The following CTNND2 variants were observed in gnomAD, a reference collection of about 807,000 sequenced individuals.
CTNND2 encodes catenin delta 2.
A neutral mutation model predicts 144.4 loss-of-function variants in CTNND2; 22 were observed. That is an observed-to-expected ratio of 0.15 (90% CI 0.11 to 0.22). The LOEUF is 0.22. Among genes scored for constraint, CTNND2 ranks in the 10% least tolerant of loss-of-function variants. The pLI is 1.00. For synonymous variants in CTNND2, 751 were observed against 695.6 expected (o/e 1.08, Z -1.25); for missense variants, 1,353 against 1,618.8 (o/e 0.84, Z 2.82).
intron 9 of CTNND2, among the ~76,000 whole-genome samples, chr5:11,289,434 T>G (rs1748086145): frequency 6.6e-6 from 1 of 152,180 alleles, no homozygotes; most frequent in African/African-American, 2.4e-5. Context: ...CAAATTGGAT[T>G]TGGCCAAAAG....
chr5:11,855,248 G>A (rs1169453377), intron 1 of CTNND2, among the ~76,000 whole-genome samples: 1 of 152,182 alleles, frequency 6.6e-6, no homozygotes, highest in African/African-American at 2.4e-5. Flanking sequence ...CCAAAGGTCG[G>A]TGGTGAGGTG....
intron 1 of CTNND2, among the ~76,000 whole-genome samples, chr5:11,870,005 A>G (rs1012547358): frequency 6.6e-6 from 1 of 152,212 alleles, no homozygotes; most frequent in East Asian, 1.9e-4. Context: ...AAGAAGCATG[A>G]AACCACCCGG....
intron 9 of CTNND2, among the ~76,000 whole-genome samples, chr5:11,296,093 TAC>T (rs1748954671): frequency 1.5e-5 from 1 of 65,418 alleles, no homozygotes; most frequent in African/African-American, 6.2e-5. Flanking sequence ...ATCTGACAAG[TAC>T]TAATATCCAG....
At chr5:11,576,651 TCA>T (rs1393190256) in intron 2 of CTNND2, among the ~76,000 whole-genome samples, 1 of 152,112 alleles carries the variant, frequency 6.6e-6, no homozygotes, top group African/African-American at 2.4e-5. Context: ...AAAAATAAAC[TCA>T]GTCATAAAAT....
In CTNND2 at chr5:11,786,216, G is replaced by T. The variant is rs531305149; in HGVS notation, c.38-53944C>A. Among the ~76,000 whole-genome samples the T allele has an allele frequency of 3.1e-4, 47 of 152,338 alleles. 1 individual carries two copies. In the South Asian group the frequency reaches 9.5e-3, roughly 31 times the overall value. On this transcript the variant is annotated intron_variant, in intron 1 of 21. Coordinates refer to ENST00000304623, the MANE Select transcript of CTNND2 (RefSeq NM_001332.4). Reference sequence around the variant, plus strand: ...GACAGGGGCTGCTTTTTCTTTCTCAGTAATCACAATTCACTTCTACAACTG... The same window carrying T: ...GACAGGGGCTGCTTTTTCTTTCTCATTAATCACAATTCACTTCTACAACTG...
At chr5:11,682,673 T>C (rs1387209950) in intron 2 of CTNND2, among the ~76,000 whole-genome samples, 1 of 152,208 alleles carries the variant, frequency 6.6e-6, no homozygotes, top group African/African-American at 2.4e-5. Flanking sequence ...GACACAGTTA[T>C]TATTCTTAAT....
chr5:11,678,732 T>G (rs1784292243), intron 2 of CTNND2, among the ~76,000 whole-genome samples: 1 of 152,108 alleles, frequency 6.6e-6, no homozygotes, highest in Non-Finnish European at 1.5e-5. Flanking sequence ...GTAACAAACC[T>G]TATTTTAAAG....
chr5:11,420,863 C>T (rs1457379490), intron 3 of CTNND2, among the ~76,000 whole-genome samples: 2 of 152,144 alleles, frequency 1.3e-5, no homozygotes, highest in Non-Finnish European at 2.9e-5. Flanking sequence ...TTTTTACAGG[C>T]TACAATGGAT....
intron 2 of CTNND2, among the ~76,000 whole-genome samples, chr5:11,598,267 C>A (rs1779617501): frequency 6.6e-6 from 1 of 152,096 alleles, no homozygotes; most frequent in Admixed American, 6.6e-5. Context: ...ACATCATGTT[C>A]TTATTGGGTT....
intron 3 of CTNND2, among the ~76,000 whole-genome samples, chr5:11,424,460 TAC>T (rs1272486299): frequency 3.5e-5 from 5 of 144,504 alleles, no homozygotes; most frequent in Admixed American, 2.0e-4. Flanking sequence ...TAAACACGCA[TAC>T]ACACACACAT....
chr5:11,199,272 G>A (rs1389435294), intron 11 of CTNND2, among the ~76,000 whole-genome samples, 176 bp downstream of exon 11: 1 of 152,112 alleles, frequency 6.6e-6, no homozygotes, highest in African/African-American at 2.4e-5. Flanking sequence ...ATGAATCCAT[G>A]CATGTCACAT....
At chr5:11,653,677 T>C (rs566873667) in intron 2 of CTNND2, among the ~76,000 whole-genome samples, 2 of 152,160 alleles carry the variant, frequency 1.3e-5, no homozygotes, top group East Asian at 3.9e-4. Context: ...TTATTTTCTC[T>C]CATTCCATAG....
intron 9 of CTNND2, among the ~76,000 whole-genome samples, chr5:11,321,106 C>T (rs565991847): frequency 1.3e-4 from 20 of 152,012 alleles, no homozygotes; most frequent in Admixed American, 2.6e-4. Flanking sequence ...TTCTACTGTT[C>T]GTAACATAAA....
rs1757679825 is a variant in CTNND2, at chr5:11,150,650, G to T, written c.2159+8926C>A. Among the ~76,000 whole-genome samples the T allele has an allele frequency of 1.4e-5, 2 of 139,736 alleles. 1 individual carries two copies. Among genetic ancestry groups the T allele is most frequent in the African/African-American group, 5.4e-5 (2 of 37,202 alleles). The allele number at this position is 139,736 out of a possible 152,430, so 91.7% of individuals were successfully genotyped here. ...TTTTTTTTTTTTTTTTTTTTGACGG[G>T]GAGTTTTGCTCTTGTCGCCCAGGCT... On this transcript the variant is annotated intron_variant, in intron 12 of 21. Coordinates refer to ENST00000304623, the MANE Select transcript of CTNND2 (RefSeq NM_001332.4).
At chr5:11,768,570 T>C (rs546987219) in intron 1 of CTNND2, among the ~76,000 whole-genome samples, 1 of 152,328 alleles carries the variant, frequency 6.6e-6, no homozygotes, top group African/African-American at 2.4e-5. Context: ...GGATTATAGG[T>C]GTGTGCCACC....
intron 13 of CTNND2, among the ~76,000 whole-genome samples, chr5:11,111,535 G>T (rs1162007339): frequency 6.6e-6 from 1 of 152,178 alleles, no homozygotes; most frequent in African/African-American, 2.4e-5. Context: ...TCCCAGGAAA[G>T]TGAGGGGCTG....
chr5:11,145,957 C>T (rs899634419), intron 12 of CTNND2, among the ~76,000 whole-genome samples: 12 of 152,170 alleles, frequency 7.9e-5, no homozygotes, highest in Admixed American at 2.0e-4. Flanking sequence ...CATCTCTCTG[C>T]GCCTTCACCG....
chr5:11,410,408 T>G (rs1011158511), intron 5 of CTNND2, among the ~76,000 whole-genome samples: 1 of 152,196 alleles, frequency 6.6e-6, no homozygotes, highest in African/African-American at 2.4e-5. Context: ...TGCTATCTTA[T>G]CCTTATGTCT....
At chr5:11,080,413 T>C (rs1749423958) in intron 16 of CTNND2, among the ~76,000 whole-genome samples, 2 of 152,184 alleles carry the variant, frequency 1.3e-5, no homozygotes, top group Admixed American at 6.5e-5. Flanking sequence ...AAACTGTATA[T>C]AGGTTCTACA....
Sources: gnomAD v4.1 joint callset for allele counts (sites outside exome capture counted in the v4.1 genomes callset) on GRCh38, gnomAD v4.1.1 for gene constraint, MANE v1.5 for transcripts, NCBI Gene and HGNC (gene_info 2026-07-23, HGNC 2026-07-21) for gene names.